Variants in HCN1 observed in about 807,000 individuals in gnomAD.
HCN1 encodes potassium/sodium hyperpolarization-activated cyclic nucleotide-gated channel 1.
In HCN1, 13 loss-of-function variants were observed where a neutral mutation model predicts 78.9. The ratio of observed to expected loss-of-function variants is 0.16; its 90% CI spans 0.11 to 0.26. HCN1 has a LOEUF of 0.26. Ranked by LOEUF, HCN1 falls within the 10% of genes least tolerant of loss-of-function variation. HCN1 has a pLI of 1.00. For synonymous variants in HCN1, 552 were observed against 455.5 expected (o/e 1.21, Z -2.70); for missense variants, 810 against 1,154.3 (o/e 0.70, Z 4.32).
intron 3 of HCN1, among the ~76,000 whole-genome samples, chr5:45,397,921 G>T (rs1421176640): frequency 6.6e-6 from 1 of 151,358 alleles, no homozygotes; most frequent in Admixed American, 6.6e-5. Flanking sequence ...AGTTGAAAAT[G>T]ACATTAGTTG....
intron 4 of HCN1, among the ~76,000 whole-genome samples, chr5:45,372,150 ATAATATGTTATTAT>A (rs1561128023): frequency 3.5e-5 from 2 of 57,742 alleles, no homozygotes; most frequent in East Asian, 1.5e-3. Flanking sequence ...AATATATTAT[ATAATATGTTATTAT>A]ATATAATTAT....
intron 2 of HCN1, among the ~76,000 whole-genome samples, chr5:45,564,655 A>T (rs1019128880): frequency 2.6e-5 from 4 of 152,180 alleles, no homozygotes; most frequent in African/African-American, 9.6e-5. Flanking sequence ...ATTTTATAAG[A>T]GCAAATACTC....
intron 1 of HCN1, 91 bp downstream of exon 1, chr5:45,695,578 T>G: frequency 5.5e-6 from 6 of 1,088,878 alleles, no homozygotes; most frequent in Non-Finnish European, 5.3e-6. Flanking sequence ...CCCGCCCTCC[T>G]AGTCCCCGGG....
At chr5:45,372,408 A>T (rs1217354313) in intron 4 of HCN1, among the ~76,000 whole-genome samples, 1 of 119,432 alleles carries the variant, frequency 8.4e-6, no homozygotes, top group Non-Finnish European at 1.6e-5. Context: ...ATAAAATATA[A>T]TTATATAAAT....
intron 2 of HCN1, among the ~76,000 whole-genome samples, chr5:45,562,244 A>G (rs1377521628): frequency 1.3e-5 from 2 of 152,176 alleles, no homozygotes; most frequent in East Asian, 1.9e-4. Context: ...TTGTGGTTTC[A>G]TAATGCTTTA....
chr5:45,513,229 G>A (rs1229676683), intron 2 of HCN1, among the ~76,000 whole-genome samples: 2 of 151,888 alleles, frequency 1.3e-5, no homozygotes, highest in Non-Finnish European at 2.9e-5. Flanking sequence ...TATTACCTAC[G>A]TCTGTTTTAG....
chr5:45,332,397 AC>A (rs1746363419), intron 5 of HCN1, among the ~76,000 whole-genome samples: 1 of 150,912 alleles, frequency 6.6e-6, no homozygotes, highest in African/African-American at 2.4e-5. Context: ...CACTATAGTC[AC>A]CTTGCTGTGC....
intron 1 of HCN1, among the ~76,000 whole-genome samples, chr5:45,681,691 G>T (rs777361057): frequency 1.3e-5 from 2 of 151,948 alleles, no homozygotes; most frequent in Non-Finnish European, 2.9e-5. Context: ...AGGTTTTAAA[G>T]GTGCACTGTT....
chr5:45,518,354 G>T (rs960553617), intron 2 of HCN1, among the ~76,000 whole-genome samples: 6 of 151,894 alleles, frequency 4.0e-5, no homozygotes, highest in African/African-American at 9.7e-5. Context: ...GTCTCCATCA[G>T]TCTCCCCACA....
At chr5:45,300,162 G>A (rs1231199262) in intron 6 of HCN1, among the ~76,000 whole-genome samples, 1 of 151,922 alleles carries the variant, frequency 6.6e-6, no homozygotes, top group African/African-American at 2.4e-5. Flanking sequence ...CCATCTTTGT[G>A]CATAATAACA....
At chr5:45,313,843 G>C (rs1172225555) in intron 5 of HCN1, among the ~76,000 whole-genome samples, 1 of 152,152 alleles carries the variant, frequency 6.6e-6, no homozygotes, top group Non-Finnish European at 1.5e-5. Context: ...AATGAACAAA[G>C]CCTCCAAGAA....
intron 7 of HCN1, among the ~76,000 whole-genome samples, chr5:45,266,327 C>T (rs950933559): frequency 6.6e-6 from 1 of 151,748 alleles, no homozygotes; most frequent in Non-Finnish European, 1.5e-5. Flanking sequence ...ATATTACAAA[C>T]ATTTTATTAT....
rs570714917 is a variant in HCN1, at chr5:45,583,800, G to A, written c.849+61385C>T. ...CATTATGTACCCAGCAGTCATTCAG[G>A]AACAGGTTGTTCAGTTTCCATGTAG... On this transcript the variant is annotated intron_variant, in intron 2 of 7. Coordinates refer to ENST00000303230, the MANE Select transcript of HCN1 (RefSeq NM_021072.4). Among the ~76,000 whole-genome samples the A allele has an allele frequency of 2.0e-5, 3 of 152,212 alleles. No individual in the cohort carries two copies. The East Asian group carries it at 5.8e-4, about 29-fold the overall frequency.
chr5:45,668,105 A>G (rs1746085791), intron 1 of HCN1, among the ~76,000 whole-genome samples: 1 of 151,932 alleles, frequency 6.6e-6, no homozygotes, highest in South Asian at 2.1e-4. Context: ...ATACCTCCCA[A>G]AATCAAACTT....
intron 6 of HCN1, among the ~76,000 whole-genome samples, chr5:45,289,256 C>G (rs994591480): frequency 1.3e-5 from 2 of 152,022 alleles, no homozygotes; most frequent in African/African-American, 4.8e-5. Context: ...ATTATTCATA[C>G]AGAAAGATGG....
intron 3 of HCN1, among the ~76,000 whole-genome samples, chr5:45,407,952 G>A (rs1168605352): frequency 6.6e-6 from 1 of 152,054 alleles, no homozygotes; most frequent in African/African-American, 2.4e-5. Context: ...TTATGTGTGT[G>A]CTTGTGTCTT....
At chr5:45,386,444 G>A (rs1747909869) in intron 4 of HCN1, among the ~76,000 whole-genome samples, 1 of 152,132 alleles carries the variant, frequency 6.6e-6, no homozygotes. Flanking sequence ...CTCCCAAAGT[G>A]CAGGGATTAC....
intron 5 of HCN1, among the ~76,000 whole-genome samples, chr5:45,332,441 T>G (rs1391306498): frequency 1.4e-5 from 2 of 145,708 alleles, no homozygotes; most frequent in Non-Finnish European, 3.1e-5. Context: ...ATTCTTTCTA[T>G]TTTTTTTTTT....
At chr5:45,295,208 G>C (rs1023836846) in intron 6 of HCN1, among the ~76,000 whole-genome samples, 12 of 151,888 alleles carry the variant, frequency 7.9e-5, no homozygotes, top group Admixed American at 1.3e-4. Context: ...AGAACTCCCA[G>C]GTAATCCACA....
Sources: gnomAD v4.1 joint callset for allele counts (sites outside exome capture counted in the v4.1 genomes callset) on GRCh38, gnomAD v4.1.1 for gene constraint, MANE v1.5 for transcripts, NCBI Gene and HGNC (gene_info 2026-07-23, HGNC 2026-07-21) for gene names.